The following CFH variants were observed in gnomAD, a reference collection of about 807,000 sequenced individuals.
CFH encodes complement factor H.
In CFH, 53 loss-of-function variants were observed where a neutral mutation model predicts 147.3. That is an observed-to-expected ratio of 0.36 (90% confidence interval 0.29 to 0.45). CFH has a LOEUF of 0.45. Among genes scored for constraint, CFH ranks in the 20% least tolerant of loss-of-function variants. The probability of loss-of-function intolerance (pLI) is 1.00; values close to 1 mark genes in which losing one functional copy is unlikely to be tolerated. For synonymous variants in CFH, 536 were observed against 489.4 expected, an observed-to-expected ratio of 1.10 and a Z score of -1.26; for missense variants, 1,380 against 1,498.0, an observed-to-expected ratio of 0.92 and a Z score of 1.30.
In CFH at chr1:196,675,995, A is replaced by G. The variant is rs371462079; in HGVS notation, c.357A>G (p.Gln119=). The change falls in exon 4 of 22, where the codon CAA becomes CAG. Residue 119 remains glutamine, a synonymous_variant. Coordinates refer to ENST00000367429, the MANE Select transcript of CFH (RefSeq NM_000186.4). ...KAVYTCNEGY[Q]LLGEINYREC... Reference sequence around the variant, plus strand: ...GTTATTTTTTGGTTTTCAGGTATCAATTGCTAGGTGAGATTAATTACCGTG... The same window carrying G: ...GTTATTTTTTGGTTTTCAGGTATCAGTTGCTAGGTGAGATTAATTACCGTG... 7.5e-5 allele frequency: 120 copies of G among 1,609,174 alleles called. No individual in the cohort carries two copies. The highest frequency in any genetic ancestry group is 4.4e-4 in the South Asian group (40 of 90,832).
intron 1 of CFH, among the ~76,000 whole-genome samples, chr1:196,658,257 T>C (rs533680750): frequency 6.6e-6 from 1 of 151,982 alleles, no homozygotes; most frequent in Non-Finnish European, 1.5e-5. Context: ...GTATTATTCT[T>C]ACTTTTTTGA....
intron 1 of CFH, among the ~76,000 whole-genome samples, chr1:196,669,324 T>TAA (rs1667197993): frequency 6.6e-6 from 1 of 152,148 alleles, no homozygotes; most frequent in Admixed American, 6.5e-5. Context: ...GAAATCTGTG[T>TAA]AAGGAATGAG....
Position 196,745,744 on chromosome 1 carries a change from G to C in CFH, c.3311-73G>C, listed in dbSNP as rs569269877. The stretch of plus-strand genomic sequence containing the variant: ...TGATATTATATACAGTGCTGTGTTT[G>C]CGTTTGCCTTATTTGAACTTGTATT... On this transcript the variant is annotated intron_variant, in intron 20 of 21. Coordinates refer to ENST00000367429, the MANE Select transcript of CFH (RefSeq NM_000186.4). 4,788 of 1,598,222 alleles carry C rather than the reference G, an allele frequency of 3.0e-3. 10 individuals carry two copies. Among genetic ancestry groups the C allele is most frequent in the Non-Finnish European group, 3.9e-3 (4,594 of 1,165,688 alleles).
At chr1:196,736,738 AT>A in intron 15 of CFH, 85 bp from the exon 16 acceptor site, 1 of 599,384 alleles carries the variant, frequency 1.7e-6, no homozygotes, top group Non-Finnish European at 2.3e-6. Context: ...AATCATATAA[AT>A]TATTTTTCAT....
rs772473040 is a variant in CFH at position 196,677,689 on chromosome 1, A to T, written c.619+22A>T. 42 of 1,604,266 alleles carry T rather than the reference A, an allele frequency of 2.6e-5. 1 individual carries two copies. Among genetic ancestry groups the T allele is most frequent in the Middle Eastern group, 1.7e-4 (1 of 6,046 alleles). On this transcript the variant is annotated intron_variant, in intron 5 of 21. Transcript: ENST00000367429. ...GTGGGTAAGATACACTTACTGTTTT[A>T]GTATTTTTAGCTTTTTAAATGTAAA...
intron 9 of CFH, among the ~76,000 whole-genome samples, chr1:196,706,166 C>A (rs1668584228): frequency 6.6e-6 from 1 of 152,020 alleles, no homozygotes; most frequent in Admixed American, 6.6e-5. Context: ...CAGGGCATCC[C>A]AACTAGGTAA....
chr1:196,652,695 A>G (rs536527906), intron 1 of CFH, among the ~76,000 whole-genome samples: 4 of 151,760 alleles, frequency 2.6e-5, no homozygotes, highest in Non-Finnish European at 5.9e-5. Flanking sequence ...TTATCAGAAT[A>G]AAAATATTAT....
chr1:196,704,227 T>C (rs990096348), intron 9 of CFH, among the ~76,000 whole-genome samples: 4 of 152,012 alleles, frequency 2.6e-5, no homozygotes, highest in East Asian at 2.0e-4. Context: ...CCCGAGTAGC[T>C]GGGATTACAG....
At chr1:196,704,864 C>G (rs1425992151) in intron 9 of CFH, among the ~76,000 whole-genome samples, 1 of 152,164 alleles carries the variant, frequency 6.6e-6, no homozygotes, top group Non-Finnish European at 1.5e-5. Context: ...CTGGTGATAA[C>G]TGATGCTTAT....
chr1:196,732,401 G>A (rs1259113770), intron 15 of CFH, among the ~76,000 whole-genome samples: 1 of 151,686 alleles, frequency 6.6e-6, no homozygotes, highest in East Asian at 1.9e-4. Flanking sequence ...TGCTCTCTTG[G>A]TCTCAGTGAG....
rs780350587 is a variant in CFH, at chr1:196,737,458, T to C, written c.2597-17T>C. On this transcript the variant is annotated splice_polypyrimidine_tract_variant and intron_variant, in intron 16 of 21. Coordinates refer to ENST00000367429, the MANE Select transcript of CFH (RefSeq NM_000186.4). ...TTTTATTTGTTTTTAACCCTTTGATTTTCATTCTTCATTTAGAAAAAATTC... is the reference window on the plus strand; with the variant it reads ...TTTTATTTGTTTTTAACCCTTTGATCTTCATTCTTCATTTAGAAAAAATTC... The C allele has an allele frequency of 6.9e-6, 11 of 1,587,994 alleles. No individual in the cohort carries two copies. Among genetic ancestry groups the C allele is most frequent in the Non-Finnish European group, 9.5e-6 (11 of 1,158,758 alleles).
At chr1:196,667,267 C>G (rs1240182491) in intron 1 of CFH, among the ~76,000 whole-genome samples, 3 of 152,132 alleles carry the variant, frequency 2.0e-5, no homozygotes, top group African/African-American at 7.2e-5. Flanking sequence ...TAAATTCTCA[C>G]AATATGGTCA....
In CFH at chr1:196,736,913, G is replaced by T. The variant is rs1470614367; in HGVS notation, c.2503G>T (p.Val835Leu). 1.2e-6 allele frequency: 2 copies of T among 1,611,152 alleles called. No individual in the cohort carries two copies. The highest frequency in any genetic ancestry group is 8.5e-7 in the Non-Finnish European group (1 of 1,178,154). The stretch of plus-strand genomic sequence containing the variant: ...ACTGAATTATCGGGATGGAGAAAAA[G>T]TATCTGTTCTTTGCCAAGAAAATTA... The part of the protein sequence containing the change: ...TTLNYRDGEK[V>L]SVLCQENYLI... The change falls in exon 16 of 22, where the codon GTA becomes TTA. Residue 835 changes from valine to leucine, a missense_variant. Val to Leu is a conservative substitution (Grantham distance 32). Around this residue, in one of 4 missense-constraint regions of CFH, gnomAD observed 830 missense variants for 821.4 expected, o/e 1.01. Coordinates refer to ENST00000367429, the MANE Select transcript of CFH (RefSeq NM_000186.4).
At chr1:196,732,985 A>C (rs999813138) in intron 15 of CFH, among the ~76,000 whole-genome samples, 3 of 151,916 alleles carry the variant, frequency 2.0e-5, no homozygotes, top group African/African-American at 7.3e-5. Context: ...AGCTTTTTGT[A>C]TTCTGTGATG....
rs138135931 is a variant in CFH at position 196,730,605 on chromosome 1, A to T, written c.2413+2083A>T. ...CTGTCCAATCTATTTGGTATAAATT[A>T]TTGTTTAAGTTTAATGTTTCCTTAT... is the stretch of plus-strand genomic sequence containing the variant. On this transcript the variant is annotated intron_variant, in intron 15 of 21. Coordinates refer to ENST00000367429, the MANE Select transcript of CFH (RefSeq NM_000186.4). Among the ~76,000 whole-genome samples, 379 of 151,882 alleles carry T rather than the reference A, an allele frequency of 2.5e-3. 1 individual carries two copies. Among genetic ancestry groups the T allele is most frequent in the African/African-American group, 9.0e-3 (372 of 41,532 alleles).
chr1:196,655,206 G>A (rs2149065809), intron 1 of CFH, among the ~76,000 whole-genome samples: 1 of 152,228 alleles, frequency 6.6e-6, no homozygotes, highest in East Asian at 1.9e-4. Context: ...GGGTAGAAAT[G>A]GATGTTGATG....
At chr1:196,696,032 A>C (rs1392538848) in intron 9 of CFH, among the ~76,000 whole-genome samples, 1 of 152,048 alleles carries the variant, frequency 6.6e-6, no homozygotes, top group African/African-American at 2.4e-5. Context: ...AAAACTCCCA[A>C]TACTATGTCC....
At chr1:196,707,494 G>T (rs1668618989) in intron 9 of CFH, among the ~76,000 whole-genome samples, 1 of 152,110 alleles carries the variant, frequency 6.6e-6, no homozygotes, top group Non-Finnish European at 1.5e-5. Context: ...TTCTGCTCAA[G>T]ACCAGGAAAA....
intron 17 of CFH, among the ~76,000 whole-genome samples, chr1:196,739,213 G>A (rs537312081): frequency 6.8e-4 from 104 of 152,282 alleles, no homozygotes; most frequent in Non-Finnish European, 1.2e-3. Flanking sequence ...TGTCATGAAG[G>A]CCTCTGACAT....
Sources: gnomAD v4.1 joint callset for allele counts (sites outside exome capture counted in the v4.1 genomes callset) on GRCh38, gnomAD v4.1.1 for gene constraint, gnomAD v4.1.1 regional missense constraint, MANE v1.5 for transcripts, NCBI Gene and HGNC (gene_info 2026-07-23, HGNC 2026-07-21) for gene names.